HLA-DRB1: variants seen among roughly 807,000 people sequenced by gnomAD.
HLA-DRB1 encodes the protein major histocompatibility complex, class II, DR beta 1, also known as major histocompatibility complex, class II, DR beta 1 precursor.
HLA-DRB1 carries 10 observed loss-of-function variants against 27.9 expected under a neutral mutation model. That is an observed-to-expected ratio of 0.36 (90% CI 0.22 to 0.61). The LOEUF is 0.61. HLA-DRB1 is among the 20% of genes least tolerant of loss of function. HLA-DRB1 has a pLI of 0.73. For synonymous variants in HLA-DRB1, 57 were observed against 126.7 expected, an observed-to-expected ratio of 0.45 and a Z score of 3.69; for missense variants, 118 against 306.3, an observed-to-expected ratio of 0.39 and a Z score of 4.59.
chr6:32,585,450 C>T (rs1226460739), intron 1 of HLA-DRB1, among the ~76,000 whole-genome samples: 1 of 138,096 alleles, frequency 7.2e-6, no homozygotes, highest in Non-Finnish European at 1.6e-5. Context: ...GTAATCCTCA[C>T]AGGATTACCG....
At chr6:32,585,782 T>A (rs1239989767) in intron 1 of HLA-DRB1, among the ~76,000 whole-genome samples, 10 of 138,520 alleles carry the variant, frequency 7.2e-5, no homozygotes, top group Non-Finnish European at 1.1e-4. Context: ...AGATTTAAAC[T>A]GCAATCTGAT....
intron 3 of HLA-DRB1, among the ~76,000 whole-genome samples, 165 bp from the exon 4 acceptor site, chr6:32,581,021 T>C (rs1281685100): frequency 1.1e-5 from 1 of 94,062 alleles, no homozygotes; most frequent in Non-Finnish European, 2.3e-5. Context: ...CACTGAACAG[T>C]TACGACGTTC....
chr6:32,585,200 T>C (rs568893929), intron 1 of HLA-DRB1, among the ~76,000 whole-genome samples: 12,411 of 90,412 alleles, frequency 0.14, 2,921 homozygotes, highest in Non-Finnish European at 0.15. Flanking sequence ...GTTTCTCCTA[T>C]ACATCAGAAC....
chr6:32,589,716 GC>G lies in HLA-DRB1; in HGVS notation c.26del (p.Gly9AlafsTer4). On this transcript the variant is annotated frameshift_variant, in exon 1 of 6. Transcript: ENST00000360004. LOFTEE classifies it high-confidence loss of function. Reference sequence around the variant, plus strand: ...TCACTGTCAGCGCTGTCATGCAGGAGCCTCCAGGGAGCTTCAGACACACCAT... The same window carrying G: ...TCACTGTCAGCGCTGTCATGCAGGAGCTCCAGGGAGCTTCAGACACACCAT... 1 of 1,220,322 alleles carries G rather than the reference GC, an allele frequency of 8.2e-7. No individual in the cohort carries two copies. Among genetic ancestry groups the G allele is most frequent in the Non-Finnish European group, 1.1e-6 (1 of 924,400 alleles). 75.6% of individuals were successfully genotyped at this position (1,220,322 alleles called of 1,614,324 possible).
intron 1 of HLA-DRB1, among the ~76,000 whole-genome samples, chr6:32,584,689 G>T (rs41287323): frequency 0.18 from 14,957 of 80,870 alleles, 918 homozygotes; most frequent in Middle Eastern, 0.33. Flanking sequence ...AGCCCGCGCC[G>T]CCTCCTCCTG....
At chr6:32,584,009 T>TCACACACACACA in intron 2 of HLA-DRB1, 100 bp downstream of exon 2, 2 of 312,412 alleles carry the variant, frequency 6.4e-6, no homozygotes, top group South Asian at 8.4e-5. Flanking sequence ...TCTCTCTCTG[T>TCACACACACACA]CTCTCTCTCA....
intron 1 of HLA-DRB1, among the ~76,000 whole-genome samples, chr6:32,589,236 A>G (rs1353666470): frequency 7.2e-6 from 1 of 138,810 alleles, no homozygotes; most frequent in East Asian, 2.2e-4. Context: ...TGGATCGTCT[A>G]GGAGAGACCC....
chr6:32,584,486 A>T lies in HLA-DRB1; in HGVS notation c.101-108T>A, dbSNP rs1776089832. The T allele has an allele frequency of 3.5e-3, 2,270 of 648,330 alleles. 2 individuals carry two copies. Among genetic ancestry groups the T allele is most frequent in the East Asian group, 8.0e-3 (239 of 29,946 alleles). 40.2% of individuals were successfully genotyped at this position (648,330 alleles called of 1,614,324 possible). A position where few individuals can be genotyped will look rare whatever the true frequency, so the allele number is the denominator to read the frequency against. On this transcript the variant is annotated intron_variant, in intron 1 of 5. Coordinates refer to ENST00000360004, the Ensembl canonical transcript of HLA-DRB1. ...GCGGGGTGCGGGCGCTGGAACCTTA[A>T]CCGGCCCCACCCGCAACGCCCACCA... is the stretch of plus-strand genomic sequence containing the variant.
At chr6:32,580,435 C>G (rs9269757) in intron 4 of HLA-DRB1, among the ~76,000 whole-genome samples, 165 bp from the exon 5 acceptor site, 24,574 of 101,922 alleles carry the variant, frequency 0.24, 1,624 homozygotes, top group Middle Eastern at 0.3. Context: ...CCCATGAAGC[C>G]TGAAGTGTCT....
chr6:32,582,901 A>T (rs34764097), intron 2 of HLA-DRB1, among the ~76,000 whole-genome samples: 3,208 of 111,048 alleles, frequency 0.029, no homozygotes, highest in Admixed American at 0.055. Context: ...CCTGGAGACA[A>T]CAATGCCACA....
In HLA-DRB1 at chr6:32,578,782, T is replaced by C. The variant is rs114103896; in HGVS notation, c.*309A>G. On this transcript the variant is annotated 3_prime_UTR_variant, in exon 6 of 6. Coordinates refer to ENST00000360004, the Ensembl canonical transcript of HLA-DRB1. ...GACCAGATGATATTTAACTCCATCT[T>C]TGAGAAACATTTAATAATGTAATGT... 1.7e-4 allele frequency: 39 copies of C among 224,390 alleles called. 8 individuals carry two copies. Among genetic ancestry groups the C allele is most frequent in the Non-Finnish European group, 2.5e-4 (29 of 117,062 alleles). 13.9% of individuals were successfully genotyped at this position (224,390 alleles called of 1,614,324 possible). A position where few individuals can be genotyped will look rare whatever the true frequency, so the allele number is the denominator to read the frequency against.
intron 3 of HLA-DRB1, among the ~76,000 whole-genome samples, chr6:32,581,308 C>A (rs33937655): frequency 0.15 from 10,451 of 69,306 alleles, 52 homozygotes; most frequent in East Asian, 0.23. Context: ...GTGACCCTGA[C>A]CTGCAAAATC....
intron 1 of HLA-DRB1, among the ~76,000 whole-genome samples, chr6:32,587,840 C>T (rs36032864): frequency 7.0e-6 from 1 of 143,226 alleles, no homozygotes; most frequent in African/African-American, 2.7e-5. Flanking sequence ...TGTGTAACTT[C>T]CATGAGAGTA....
intron 1 of HLA-DRB1, among the ~76,000 whole-genome samples, 188 bp downstream of exon 1, chr6:32,589,449 ACACAAG>A (rs1279731642): frequency 0.033 from 3,128 of 96,096 alleles, no homozygotes; most frequent in African/African-American, 0.054. Flanking sequence ...AAGGCCCCTT[ACACAAG>A]TCTCATGAAG....
intron 1 of HLA-DRB1, among the ~76,000 whole-genome samples, chr6:32,587,533 A>T (rs7759513): frequency 0.23 from 14,686 of 64,996 alleles, 2,985 homozygotes; most frequent in Admixed American, 0.25. Context: ...CTTTCTATAC[A>T]TCAGCCCCTC....
In HLA-DRB1 at chr6:32,579,086, G is replaced by T. The variant is rs34955866; in HGVS notation, c.*5C>A. On this transcript the variant is annotated 3_prime_UTR_variant, in exon 6 of 6. Coordinates refer to ENST00000360004, the Ensembl canonical transcript of HLA-DRB1. ...AGTTCTTCCTTGAATGTGGTCATCT[G>T]CATTTCAGCTCAGGAATCCTGCAAA... 4,359 of 780,756 alleles carry T rather than the reference G, an allele frequency of 5.6e-3. 342 individuals carry two copies. The highest frequency in any genetic ancestry group is 0.013 in the Admixed American group (275 of 21,800). The allele number at this position is 780,756 out of a possible 1,614,324, so 48.4% of individuals were successfully genotyped here.
intron 4 of HLA-DRB1, among the ~76,000 whole-genome samples, 169 bp from the exon 5 acceptor site, chr6:32,580,439 A>G (rs36023480): frequency 2.7e-3 from 305 of 114,262 alleles, no homozygotes; most frequent in East Asian, 5.8e-3. Context: ...TGAAGCCTGA[A>G]GTGTCTGTCA....
chr6:32,585,328 T>C (rs1776241648), intron 1 of HLA-DRB1, among the ~76,000 whole-genome samples: 1 of 77,722 alleles, frequency 1.3e-5, no homozygotes, highest in Non-Finnish European at 2.6e-5. Context: ...ATGGTCAAAC[T>C]CTCAAACTCT....
chr6:32,584,790 C>A (rs41287327), intron 1 of HLA-DRB1, among the ~76,000 whole-genome samples: 2 of 83,246 alleles, frequency 2.4e-5, no homozygotes, highest in Non-Finnish European at 4.8e-5. Context: ...GTGAACACTT[C>A]CTTAGTGATG....
Sources: allele counts gnomAD v4.1 joint callset (sites outside exome capture counted in the v4.1 genomes callset), GRCh38; gene constraint gnomAD v4.1.1; transcripts MANE v1.5; gene names NCBI Gene and HGNC (gene_info 2026-07-23, HGNC 2026-07-21).